Variants in SH3RF3 observed in about 807,000 individuals in gnomAD.
SH3RF3 encodes the protein E3 ubiquitin-protein ligase SH3RF3.
SH3RF3 carries 29 observed loss-of-function variants against 66.3 expected under a neutral mutation model. That is an observed-to-expected ratio of 0.44 (90% confidence interval 0.33 to 0.60). The LOEUF is 0.60. SH3RF3 is among the 20% of genes least tolerant of loss of function. The probability of loss-of-function intolerance (pLI) is 0.04; values close to 1 mark genes in which losing one functional copy is unlikely to be tolerated. For synonymous variants in SH3RF3, 583 were observed against 532.0 expected, an observed-to-expected ratio of 1.10 and a Z score of -1.32; for missense variants, 1,194 against 1,190.9, an observed-to-expected ratio of 1.00 and a Z score of -0.04.
chr2:109,144,380 A>G lies in SH3RF3; in HGVS notation c.573+14267A>G, dbSNP rs146834232. On this transcript the variant is annotated intron_variant, in intron 1 of 9. Transcript: ENST00000309415. Reference sequence around the variant, plus strand: ...AATGAAAAGTACTTTTAAAAAACACACAAAGCTGCCTCAAGTCATAGAACA... The same window carrying G: ...AATGAAAAGTACTTTTAAAAAACACGCAAAGCTGCCTCAAGTCATAGAACA... 2.6e-5 allele frequency among the ~76,000 whole-genome samples: 4 copies of G among 152,316 alleles called. No individual in the cohort carries two copies. In the East Asian group the frequency reaches 7.7e-4, roughly 29 times the overall value.
chr2:109,213,490 C>T (rs542012075), intron 1 of SH3RF3, among the ~76,000 whole-genome samples: 7 of 152,210 alleles, frequency 4.6e-5, no homozygotes, highest in Non-Finnish European at 8.8e-5. Flanking sequence ...GCCCCAGGAT[C>T]TGCAGGGAGC....
chr2:109,400,190 T>C (rs1676267498), intron 4 of SH3RF3, among the ~76,000 whole-genome samples: 1 of 152,126 alleles, frequency 6.6e-6, no homozygotes, highest in South Asian at 2.1e-4. Context: ...CACATCAGCC[T>C]AGAAATGCCC....
chr2:109,300,402 A>G (rs185053258), intron 1 of SH3RF3, among the ~76,000 whole-genome samples: 6 of 151,874 alleles, frequency 4.0e-5, no homozygotes, highest in Admixed American at 2.6e-4. Flanking sequence ...CTGGTCTCCA[A>G]CTCCTCACCT....
At chr2:109,387,702 T>C (rs756557492) in intron 3 of SH3RF3, among the ~76,000 whole-genome samples, 27 of 152,330 alleles carry the variant, frequency 1.8e-4, no homozygotes, top group African/African-American at 6.0e-4. Flanking sequence ...CCATTCAACG[T>C]CCTCTATGTA....
intron 1 of SH3RF3, among the ~76,000 whole-genome samples, chr2:109,305,348 A>T (rs1260452720): frequency 6.6e-6 from 1 of 151,974 alleles, no homozygotes; most frequent in Non-Finnish European, 1.5e-5. Context: ...GGTTACCTTT[A>T]ATGGCAGGTA....
intron 1 of SH3RF3, among the ~76,000 whole-genome samples, chr2:109,207,327 A>G (rs1166756838): frequency 1.3e-5 from 2 of 152,202 alleles, no homozygotes; most frequent in African/African-American, 2.4e-5. Flanking sequence ...ATTTATGCCA[A>G]TTTAAAGATG....
intron 1 of SH3RF3, among the ~76,000 whole-genome samples, chr2:109,230,066 C>T (rs7576998): frequency 0.3 from 44,800 of 151,730 alleles, 7,580 homozygotes; most frequent in Non-Finnish European, 0.39. Context: ...CTTCGTGATC[C>T]GCCCGCCTCA....
intron 1 of SH3RF3, among the ~76,000 whole-genome samples, chr2:109,262,837 T>C (rs2105294819): frequency 6.6e-6 from 1 of 152,282 alleles, no homozygotes; most frequent in East Asian, 1.9e-4. Context: ...TTCTTTTTTC[T>C]TTTTTATTTT....
chr2:109,278,010 C>CAAAA (rs58675048), intron 1 of SH3RF3, among the ~76,000 whole-genome samples: 17 of 81,288 alleles, frequency 2.1e-4, no homozygotes, highest in Non-Finnish European at 2.8e-4. Flanking sequence ...CTGTCTCTAA[C>CAAAA]AAAAAAAAAA....
At chr2:109,326,552 A>G (rs1323945195) in intron 1 of SH3RF3, among the ~76,000 whole-genome samples, 2 of 152,114 alleles carry the variant, frequency 1.3e-5, no homozygotes, top group Non-Finnish European at 2.9e-5. Flanking sequence ...TGGGTGTGAA[A>G]TGGCATCTCA....
intron 1 of SH3RF3, among the ~76,000 whole-genome samples, chr2:109,318,468 C>T (rs11123739): frequency 0.27 from 41,261 of 152,078 alleles, 7,237 homozygotes; most frequent in African/African-American, 0.49. Context: ...TCTCGGCATA[C>T]GCGTTTATCT....
intron 1 of SH3RF3, among the ~76,000 whole-genome samples, chr2:109,316,672 G>A (rs1681891737): frequency 6.6e-6 from 1 of 152,198 alleles, no homozygotes; most frequent in South Asian, 2.1e-4. Flanking sequence ...CCAGAGTGGT[G>A]TCACATTAGG....
intron 8 of SH3RF3, among the ~76,000 whole-genome samples, chr2:109,478,048 G>C (rs1294857312): frequency 6.6e-6 from 1 of 152,198 alleles, no homozygotes. Flanking sequence ...AGAGACCCTG[G>C]GGAGGAGGTC....
At chr2:109,442,439 A>G (rs766482369) in intron 7 of SH3RF3, among the ~76,000 whole-genome samples, 1 of 152,228 alleles carries the variant, frequency 6.6e-6, no homozygotes, top group Non-Finnish European at 1.5e-5. Context: ...TGGAAATGGT[A>G]ACTACATAGA....
intron 1 of SH3RF3, among the ~76,000 whole-genome samples, chr2:109,146,320 G>T (rs1677093934): frequency 6.6e-6 from 1 of 152,154 alleles, no homozygotes; most frequent in African/African-American, 2.4e-5. Flanking sequence ...TTGCCAAAGG[G>T]ATCATTCCAG....
intron 2 of SH3RF3, among the ~76,000 whole-genome samples, chr2:109,370,231 CTCTCTCTCTT>C (rs1559047246): frequency 6.7e-6 from 1 of 150,028 alleles, no homozygotes; most frequent in African/African-American, 2.5e-5. Flanking sequence ...GTCTCTGTCT[CTCTCTCTCTT>C]TTTCTTTTTT....
At position 109,263,581 on chromosome 2, in the gene SH3RF3, G is replaced by A. The variant is rs111773955; in HGVS notation, c.574-84093G>A. Reference sequence around the variant, plus strand: ...CCAGGTAGAGAATTTGCTTTTAGGAGGTGGATTTTCATTCCTTGAGCAAAG... The same window carrying A: ...CCAGGTAGAGAATTTGCTTTTAGGAAGTGGATTTTCATTCCTTGAGCAAAG... On this transcript the variant is annotated intron_variant, in intron 1 of 9. Transcript: ENST00000309415. Among the ~76,000 whole-genome samples, 845 of 152,324 alleles carry A rather than the reference G, an allele frequency of 5.5e-3. 12 individuals are homozygous for A. The highest frequency in any genetic ancestry group is 0.02 in the African/African-American group (811 of 41,566).
chr2:109,500,893 T>C (rs1223161823), intron 9 of SH3RF3, among the ~76,000 whole-genome samples: 1 of 152,136 alleles, frequency 6.6e-6, no homozygotes, highest in Non-Finnish European at 1.5e-5. Flanking sequence ...AAGGCTTCGG[T>C]GAGCTAGGAT....
rs545143759 is a variant in SH3RF3 at position 109,464,432 on chromosome 2, C to T, written c.2148+14943C>T. 4.6e-4 allele frequency among the ~76,000 whole-genome samples: 70 copies of T among 152,296 alleles called. 1 individual carries two copies. The highest frequency in any genetic ancestry group is 4.1e-3 in the Admixed American group (63 of 15,308). On this transcript the variant is annotated intron_variant, in intron 8 of 9. Transcript: ENST00000309415. ...ACATACAAACATGACTACATGTACA[C>T]ACATTCGCGTACATATAAAATACAT...
Sources: gnomAD v4.1 joint callset for allele counts (sites outside exome capture counted in the v4.1 genomes callset) on GRCh38, gnomAD v4.1.1 for gene constraint, MANE v1.5 for transcripts, NCBI Gene and HGNC (gene_info 2026-07-23, HGNC 2026-07-21) for gene names.